Variants in CACNA2D3 observed in about 807,000 individuals in gnomAD.
CACNA2D3 encodes voltage-dependent calcium channel subunit alpha-2/delta-3.
CACNA2D3 carries 60 observed loss-of-function variants against 160.6 expected under a neutral mutation model. That is an observed-to-expected ratio of 0.37 (90% confidence interval 0.30 to 0.46). The LOEUF (loss-of-function observed/expected upper bound fraction) is 0.46, where lower values mean the gene tolerates loss of function less well. Ranked by LOEUF, CACNA2D3 falls within the 20% of genes least tolerant of loss-of-function variation. The probability of loss-of-function intolerance (pLI) is 1.00; values close to 1 mark genes in which losing one functional copy is unlikely to be tolerated. For missense variants in CACNA2D3, 1,205 were observed against 1,365.0 expected (o/e 0.88, Z 1.85); for synonymous variants, 558 against 492.9 (o/e 1.13, Z -1.75).
chr3:54,185,541 T>G lies in CACNA2D3; in HGVS notation c.204+61947T>G, dbSNP rs576522953. Among the ~76,000 whole-genome samples the G allele has an allele frequency of 2.6e-5, 4 of 152,294 alleles. No homozygotes were observed. In the South Asian group the frequency reaches 6.2e-4, roughly 24 times the overall value. On this transcript the variant is annotated intron_variant, in intron 2 of 37. Coordinates refer to ENST00000474759, the MANE Select transcript of CACNA2D3 (RefSeq NM_018398.3). ...GTAACATGACATCTAAAGGTTAAAT[T>G]ATGTTTATTCACGAACATATTATTC...
chr3:54,449,804 CTG>C (rs1486261101), intron 4 of CACNA2D3, among the ~76,000 whole-genome samples: 1 of 152,144 alleles, frequency 6.6e-6, no homozygotes, highest in Non-Finnish European at 1.5e-5. Flanking sequence ...ACTGTGCTTC[CTG>C]TACAGCCTGT....
Position 54,299,956 on chromosome 3 carries a change from C to T in CACNA2D3, c.205-20486C>T, listed in dbSNP as rs117815909. Reference sequence around the variant, plus strand: ...GATGAACGTGGGATGGTGTAGACCCCCTAACAATGCTGTCCGACCTCCTTC... The same window carrying T: ...GATGAACGTGGGATGGTGTAGACCCTCTAACAATGCTGTCCGACCTCCTTC... On this transcript the variant is annotated intron_variant, in intron 2 of 37. Coordinates refer to ENST00000474759, the MANE Select transcript of CACNA2D3 (RefSeq NM_018398.3). 6.4e-4 allele frequency among the ~76,000 whole-genome samples: 98 copies of T among 152,276 alleles called. No homozygotes were observed. In the East Asian group the frequency reaches 0.017, roughly 26 times the overall value.
chr3:54,898,181 C>A (rs961153693), intron 26 of CACNA2D3, among the ~76,000 whole-genome samples: 1 of 95,282 alleles, frequency 1.0e-5, no homozygotes, highest in African/African-American at 3.9e-5. Flanking sequence ...CTTTTCTTTT[C>A]TTTTCTTTTC....
At chr3:54,717,506 GTGTA>G (rs1701071812) in intron 11 of CACNA2D3, among the ~76,000 whole-genome samples, 2 of 152,006 alleles carry the variant, frequency 1.3e-5, no homozygotes, top group South Asian at 4.1e-4. Flanking sequence ...GTGTGTGTCT[GTGTA>G]TGCGTGTGTG....
intron 27 of CACNA2D3, among the ~76,000 whole-genome samples, chr3:54,908,117 T>G (rs957385878): frequency 1.3e-5 from 2 of 152,218 alleles, no homozygotes; most frequent in African/African-American, 4.8e-5. Flanking sequence ...GTTTGGTATT[T>G]GGAAGAACTG....
At chr3:54,717,693 C>CGTGT (rs1299816374) in intron 11 of CACNA2D3, among the ~76,000 whole-genome samples, 4 of 106,848 alleles carry the variant, frequency 3.7e-5, no homozygotes, top group African/African-American at 1.5e-4. Flanking sequence ...TGTGTGCGTG[C>CGTGT]GTGTGTGTGG....
chr3:54,246,003 T>A (rs1559894498), intron 2 of CACNA2D3, among the ~76,000 whole-genome samples: 1 of 152,224 alleles, frequency 6.6e-6, no homozygotes, highest in East Asian at 1.9e-4. Context: ...TTTGAGAGCA[T>A]GTAGCTATTA....
intron 31 of CACNA2D3, among the ~76,000 whole-genome samples, chr3:54,991,411 C>T (rs1200147031): frequency 6.6e-6 from 1 of 151,848 alleles, no homozygotes; most frequent in African/African-American, 2.4e-5. Flanking sequence ...TTAGTAGAGA[C>T]GGGGTTTCAC....
chr3:54,839,806 G>C (rs1027878930), intron 16 of CACNA2D3, among the ~76,000 whole-genome samples: 5 of 152,236 alleles, frequency 3.3e-5, no homozygotes, highest in South Asian at 2.1e-4. Context: ...TCGTTGATGA[G>C]GTGGGTGTGG....
chr3:55,071,617 C>CTAAG (rs1317206122), intron 35 of CACNA2D3, among the ~76,000 whole-genome samples: 5 of 152,060 alleles, frequency 3.3e-5, no homozygotes. Context: ...TATTCTCATT[C>CTAAG]TAAGTAATTT....
chr3:54,299,047 T>C (rs2107487368), intron 2 of CACNA2D3, among the ~76,000 whole-genome samples: 1 of 151,554 alleles, frequency 6.6e-6, no homozygotes. Flanking sequence ...GTCTGCCATT[T>C]GCAAGAAGAA....
chr3:55,035,881 C>T (rs3773547), intron 35 of CACNA2D3, among the ~76,000 whole-genome samples: 8,836 of 152,232 alleles, frequency 0.058, 776 homozygotes, highest in East Asian at 0.44. Flanking sequence ...GACAGACTGT[C>T]CAGTAACTGA....
intron 11 of CACNA2D3, among the ~76,000 whole-genome samples, chr3:54,688,202 T>G (rs924651025): frequency 5.9e-5 from 9 of 152,330 alleles, no homozygotes; most frequent in Middle Eastern, 3.4e-3. Context: ...AAGCTCTTAT[T>G]TCTTACTTTG....
At chr3:54,942,605 G>T (rs1701500126) in intron 27 of CACNA2D3, among the ~76,000 whole-genome samples, 1 of 152,128 alleles carries the variant, frequency 6.6e-6, no homozygotes, top group African/African-American at 2.4e-5. Flanking sequence ...AAAAGAAGCA[G>T]GAGCCAGGCA....
At chr3:54,717,702 GGTGTGTGCATGTGTGCGTGTGCGGTGT>G (rs1701080936) in intron 11 of CACNA2D3, among the ~76,000 whole-genome samples, 1 of 145,472 alleles carries the variant, frequency 6.9e-6, no homozygotes, top group South Asian at 2.2e-4. Context: ...GCGTGTGTGT[GGTGTGTGCATGTGTGCGTGTGCGGTGT>G]GTGTGTGCAT....
chr3:54,410,311 G>A (rs969638435), intron 4 of CACNA2D3, among the ~76,000 whole-genome samples: 3 of 152,110 alleles, frequency 2.0e-5, no homozygotes, highest in East Asian at 1.9e-4. Context: ...CCGAGATTGC[G>A]CCACTGCTCT....
chr3:54,601,601 C>G (rs1040226527), intron 9 of CACNA2D3, among the ~76,000 whole-genome samples: 3 of 152,036 alleles, frequency 2.0e-5, no homozygotes, highest in Admixed American at 1.3e-4. Flanking sequence ...TAACAAGCTT[C>G]CAAGGGAATC....
chr3:55,059,342 G>GC (rs1704443901), intron 35 of CACNA2D3, among the ~76,000 whole-genome samples: 2 of 152,228 alleles, frequency 1.3e-5, no homozygotes, highest in Admixed American at 6.5e-5. Context: ...GTTTACCAGA[G>GC]AATCATTACA....
intron 9 of CACNA2D3, among the ~76,000 whole-genome samples, chr3:54,618,352 C>CATACATACATATATATAT (rs56316245): frequency 8.3e-6 from 1 of 119,890 alleles, no homozygotes; most frequent in Non-Finnish European, 1.7e-5. Flanking sequence ...TTGATACATA[C>CATACATACATATATATAT]ATATATATAT....
Sources: gnomAD v4.1 joint callset for allele counts (sites outside exome capture counted in the v4.1 genomes callset) on GRCh38, gnomAD v4.1.1 for gene constraint, MANE v1.5 for transcripts, NCBI Gene and HGNC (gene_info 2026-07-23, HGNC 2026-07-21) for gene names.